The following GRIK3 variants were observed in gnomAD, a reference collection of about 807,000 sequenced individuals.
GRIK3 encodes glutamate receptor ionotropic, kainate 3.
Under a neutral mutation model 102.5 loss-of-function variants are expected in GRIK3, and 29 were observed. The observed-to-expected ratio is 0.28, with a 90% CI of 0.21 to 0.39. The LOEUF is 0.39. GRIK3 is among the 10% of genes least tolerant of loss of function. The pLI is 1.00. For missense variants in GRIK3, 908 were observed against 1,252.4 expected, an observed-to-expected ratio of 0.73 and a Z score of 4.15; for synonymous variants, 511 against 504.9, an observed-to-expected ratio of 1.01 and a Z score of -0.16.
In GRIK3 at chr1:36,850,088, G is replaced by A. The variant is rs1355617680; in HGVS notation, c.1326+223C>T. On this transcript the variant is annotated intron_variant, in intron 9 of 15. Transcript: ENST00000373091. This position sits in a 1 kb window ranked among gnomAD's most constrained non-coding sequence, Gnocchi z 4.0. ...CTCAGACATCAAGGACTTGGGGAGT[G>A]AGTGGGAGTGAGACACAAAAACGCA... 3.7e-6 allele frequency: 2 copies of A among 542,780 alleles called. No individual in the cohort carries two copies. Among genetic ancestry groups the A allele is most frequent in the East Asian group, 6.3e-5 (2 of 31,868 alleles). 33.6% of individuals were successfully genotyped at this position (542,780 alleles called of 1,614,324 possible).
At chr1:36,954,487 A>G (rs1641880580) in intron 1 of GRIK3, among the ~76,000 whole-genome samples, 1 of 152,212 alleles carries the variant, frequency 6.6e-6, no homozygotes, top group Non-Finnish European at 1.5e-5. Context: ...GCCAACAGAA[A>G]GCATGTGGGG....
In GRIK3 at chr1:36,961,167, G is replaced by A. The variant is rs543069445; in HGVS notation, c.116-70071C>T. Among the ~76,000 whole-genome samples the A allele has an allele frequency of 4.5e-3, 678 of 152,266 alleles. 4 individuals carry two copies. The highest frequency in any genetic ancestry group is 0.015 in the African/African-American group (638 of 41,562). On this transcript the variant is annotated intron_variant, in intron 1 of 15. Coordinates refer to ENST00000373091, the MANE Select transcript of GRIK3 (RefSeq NM_000831.4). Reference sequence around the variant, plus strand: ...AGGTAGGCTCCATGCAACACACTGCGTGCACACACGTGCCCACCTGTGCAC... The same window carrying A: ...AGGTAGGCTCCATGCAACACACTGCATGCACACACGTGCCCACCTGTGCAC...
intron 5 of GRIK3, among the ~76,000 whole-genome samples, chr1:36,867,323 T>C (rs562717602): frequency 1.3e-5 from 2 of 152,280 alleles, no homozygotes; most frequent in South Asian, 2.1e-4. Context: ...TGTTTCTCAA[T>C]GGGGCACCAT....
chr1:36,904,675 G>A lies in GRIK3; in HGVS notation c.116-13579C>T, dbSNP rs996590310. On this transcript the variant is annotated intron_variant, in intron 1 of 15. Coordinates refer to ENST00000373091, the MANE Select transcript of GRIK3 (RefSeq NM_000831.4). ...CACCCATATGGCAGAACAACTTGTA[G>A]GCATTATCAATCAAAGCATAGGATG... Among the ~76,000 whole-genome samples, 5 of 152,142 alleles carry A rather than the reference G, an allele frequency of 3.3e-5. No individual in the cohort carries two copies. The South Asian group carries it at 8.3e-4, about 25-fold the overall frequency.
At chr1:36,814,922 C>A (rs1320503351) in intron 13 of GRIK3, among the ~76,000 whole-genome samples, 1 of 152,224 alleles carries the variant, frequency 6.6e-6, no homozygotes, top group Non-Finnish European at 1.5e-5. Flanking sequence ...GTTCAGCACA[C>A]ATACACATAG....
At chr1:36,824,156 C>T (rs912045362) in intron 11 of GRIK3, among the ~76,000 whole-genome samples, 23 of 152,076 alleles carry the variant, frequency 1.5e-4, no homozygotes, top group African/African-American at 5.3e-4. Flanking sequence ...TCCCACCTTC[C>T]GAGCCTGGAG....
At chr1:36,820,465 T>C (rs917962272) in intron 11 of GRIK3, among the ~76,000 whole-genome samples, 9 of 152,254 alleles carry the variant, frequency 5.9e-5, no homozygotes, top group African/African-American at 2.2e-4. Context: ...GCTTTATGTA[T>C]ACTCATATGC....
intron 1 of GRIK3, among the ~76,000 whole-genome samples, chr1:36,996,492 C>T (rs1459459846): frequency 6.6e-6 from 1 of 152,230 alleles, no homozygotes; most frequent in Non-Finnish European, 1.5e-5. Flanking sequence ...CAAGCCAAGA[C>T]ACGCGGGGCA....
At chr1:36,831,430 C>T (rs1040563312) in intron 10 of GRIK3, among the ~76,000 whole-genome samples, 1 of 152,196 alleles carries the variant, frequency 6.6e-6, no homozygotes, top group Non-Finnish European at 1.5e-5. Flanking sequence ...CCAGGGGACT[C>T]TGCTGGCATC....
At chr1:37,027,731 C>T (rs1642778381) in intron 1 of GRIK3, among the ~76,000 whole-genome samples, 2 of 152,222 alleles carry the variant, frequency 1.3e-5, no homozygotes, top group Non-Finnish European at 2.9e-5. Flanking sequence ...TCTGACCATG[C>T]CTGTCTCAAA....
At chr1:36,934,956 A>T (rs1205090477) in intron 1 of GRIK3, among the ~76,000 whole-genome samples, 1 of 151,994 alleles carries the variant, frequency 6.6e-6, no homozygotes, top group Admixed American at 6.6e-5. Flanking sequence ...CCAGGCCTTG[A>T]TTTCCACTTC....
intron 1 of GRIK3, among the ~76,000 whole-genome samples, chr1:36,910,577 G>A (rs1176191096): frequency 2.0e-5 from 3 of 152,086 alleles, no homozygotes; most frequent in East Asian, 3.9e-4. Flanking sequence ...GTGGGGGGGC[G>A]GGGACAGGGA....
intron 1 of GRIK3, among the ~76,000 whole-genome samples, chr1:37,018,842 AT>A (rs901635190): frequency 1.2e-4 from 19 of 152,116 alleles, no homozygotes; most frequent in African/African-American, 4.3e-4. Flanking sequence ...AAAAACTCCA[AT>A]TTTTTTAAAA....
intron 1 of GRIK3, among the ~76,000 whole-genome samples, chr1:37,012,165 AG>A (rs1352597841): frequency 1.3e-5 from 2 of 152,240 alleles, no homozygotes; most frequent in African/African-American, 4.8e-5. Context: ...AACGAGTGCC[AG>A]GGGGCCATTG....
intron 1 of GRIK3, among the ~76,000 whole-genome samples, chr1:36,952,414 G>GAATGAATC (rs1175373462): frequency 6.6e-6 from 1 of 152,194 alleles, no homozygotes; most frequent in Non-Finnish European, 1.5e-5. Flanking sequence ...ATGAATGAAT[G>GAATGAATC]AGAGTAAATA....
At chr1:37,021,018 G>T (rs1174727590) in intron 1 of GRIK3, among the ~76,000 whole-genome samples, 1 of 151,698 alleles carries the variant, frequency 6.6e-6, no homozygotes, top group African/African-American at 2.4e-5. Flanking sequence ...TTCACAGGTT[G>T]GTTTTTCCAC....
chr1:37,032,876 C>T (rs1224186357), intron 1 of GRIK3, among the ~76,000 whole-genome samples: 1 of 152,204 alleles, frequency 6.6e-6, no homozygotes, highest in Non-Finnish European at 1.5e-5. Flanking sequence ...ACACCGGTTC[C>T]GGCACCTCTT....
At chr1:36,862,637 A>G (rs1485084698) in intron 5 of GRIK3, among the ~76,000 whole-genome samples, 1 of 147,386 alleles carries the variant, frequency 6.8e-6, no homozygotes, top group Non-Finnish European at 1.5e-5. Flanking sequence ...AATATCCCAG[A>G]AGAAGTCTCC....
chr1:37,004,872 G>A (rs1020173874), intron 1 of GRIK3, among the ~76,000 whole-genome samples: 9 of 152,252 alleles, frequency 5.9e-5, no homozygotes, highest in Admixed American at 2.6e-4. Context: ...TGCAGGCCCA[G>A]CCAAGAAAAA....
Sources: allele counts gnomAD v4.1 joint callset (sites outside exome capture counted in the v4.1 genomes callset), GRCh38; gene constraint gnomAD v4.1.1; non-coding constraint Gnocchi (gnomAD v3.1); transcripts MANE v1.5; gene names NCBI Gene and HGNC (gene_info 2026-07-23, HGNC 2026-07-21).